The following FHIT variants were observed in gnomAD, a reference collection of about 807,000 sequenced individuals.
FHIT encodes bis(5'-adenosyl)-triphosphatase.
A neutral mutation model predicts 17.9 loss-of-function variants in FHIT; 19 were observed. The observed-to-expected ratio is 1.06, with a 90% CI of 0.74 to 1.56. The LOEUF is 1.56. Ranked by LOEUF, FHIT falls within the 40% of genes most tolerant of loss-of-function variation. FHIT has a pLI of 0.00. For synonymous variants in FHIT, 81 were observed against 69.7 expected (o/e 1.16, Z -0.81); for missense variants, 248 against 189.2 (o/e 1.31, Z -1.82).
Position 60,555,031 on chromosome 3 carries a change from A to G in FHIT, c.-17-18052T>C, listed in dbSNP as rs563084241. 1.8e-3 allele frequency among the ~76,000 whole-genome samples: 269 copies of G among 152,340 alleles called. 1 individual carries two copies. Among genetic ancestry groups the G allele is most frequent in the African/African-American group, 6.2e-3 (257 of 41,582 alleles). ...CACAAGATAACTACATGACTGATAC[A>G]TTTTTTACGTAACAGTGTACTACAG... is the stretch of plus-strand genomic sequence containing the variant. On this transcript the variant is annotated intron_variant, in intron 4 of 9. Coordinates refer to ENST00000492590, the MANE Select transcript of FHIT (RefSeq NM_002012.4).
At chr3:61,208,505 G>T (rs1388546263) in intron 1 of FHIT, among the ~76,000 whole-genome samples, 2 of 152,032 alleles carry the variant, frequency 1.3e-5, no homozygotes, top group African/African-American at 2.4e-5. Flanking sequence ...CTCCTGTATT[G>T]GGTGCATATA....
chr3:61,247,867 A>G (rs1356647386), intron 1 of FHIT, among the ~76,000 whole-genome samples: 1 of 152,190 alleles, frequency 6.6e-6, no homozygotes, highest in Non-Finnish European at 1.5e-5. Flanking sequence ...CTTCATCATC[A>G]CTGTGAGGTA....
intron 4 of FHIT, among the ~76,000 whole-genome samples, chr3:60,663,138 C>A: frequency 4.5e-5 from 1 of 22,072 alleles, no homozygotes; most frequent in Non-Finnish European, 1.1e-4. Context: ...CTATATAGCC[C>A]TAATATTGGG....
intron 4 of FHIT, among the ~76,000 whole-genome samples, chr3:60,762,452 T>C (rs782472337): frequency 1.3e-5 from 2 of 152,154 alleles, no homozygotes; most frequent in Admixed American, 1.3e-4. Flanking sequence ...AGTAGTCAGT[T>C]TGTAGCCTAT....
intron 7 of FHIT, among the ~76,000 whole-genome samples, chr3:59,949,137 A>G (rs1281004386): frequency 6.6e-6 from 1 of 152,222 alleles, no homozygotes; most frequent in African/African-American, 2.4e-5. Flanking sequence ...GAGAACACAC[A>G]TATACCAGAG....
chr3:60,349,928 T>C (rs1215136284), intron 5 of FHIT, among the ~76,000 whole-genome samples: 1 of 152,192 alleles, frequency 6.6e-6, no homozygotes, highest in Non-Finnish European at 1.5e-5. Flanking sequence ...CTCAAGCAGT[T>C]AGAATTTCCT....
chr3:60,862,211 T>C (rs534648586), intron 3 of FHIT, among the ~76,000 whole-genome samples: 1 of 152,280 alleles, frequency 6.6e-6, no homozygotes, highest in Admixed American at 6.5e-5. Flanking sequence ...CAGTGTCTTG[T>C]TCTATTGCCC....
At position 60,141,837 on chromosome 3, in the gene FHIT, C is replaced by T. The variant is rs376259615; in HGVS notation, c.104-127685G>A. On this transcript the variant is annotated intron_variant, in intron 5 of 9. Transcript: ENST00000492590. The stretch of plus-strand genomic sequence containing the variant: ...TTCATCATAAATACAAGGACAGTTG[C>T]GCTAAACATATCTGTACTGGTAACA... 8.5e-5 allele frequency among the ~76,000 whole-genome samples: 13 copies of T among 152,238 alleles called. 1 individual carries two copies. The highest frequency in any genetic ancestry group is 1.9e-4 in the African/African-American group (8 of 41,566).
chr3:60,024,072 C>T (rs1700650851), intron 5 of FHIT, among the ~76,000 whole-genome samples: 1 of 151,956 alleles, frequency 6.6e-6, no homozygotes, highest in African/African-American at 2.4e-5. Context: ...ACAAACTGGT[C>T]TTTCCTTCAC....
chr3:59,773,683 G>A (rs2106844178), intron 8 of FHIT, among the ~76,000 whole-genome samples: 1 of 152,166 alleles, frequency 6.6e-6, no homozygotes, highest in East Asian at 1.9e-4. Context: ...TTCCCAGGGA[G>A]GCAGGCTTCA....
intron 1 of FHIT, among the ~76,000 whole-genome samples, chr3:61,248,208 G>T (rs1035660777): frequency 6.6e-5 from 10 of 152,112 alleles, no homozygotes; most frequent in Admixed American, 5.2e-4. Context: ...TGGGAACAGG[G>T]TGCTTATGAA....
chr3:60,073,501 C>T (rs879899363), intron 5 of FHIT, among the ~76,000 whole-genome samples: 8 of 152,072 alleles, frequency 5.3e-5, no homozygotes, highest in East Asian at 1.9e-4. Context: ...GTTCGTCTCA[C>T]GTTTGCTCTC....
intron 3 of FHIT, among the ~76,000 whole-genome samples, chr3:60,953,657 A>C (rs1199579295): frequency 6.6e-6 from 1 of 152,108 alleles, no homozygotes; most frequent in Non-Finnish European, 1.5e-5. Context: ...CATCTCATAC[A>C]ACATCCCAAC....
chr3:60,322,163 G>A (rs1221907981), intron 5 of FHIT, among the ~76,000 whole-genome samples: 1 of 152,092 alleles, frequency 6.6e-6, no homozygotes, highest in Non-Finnish European at 1.5e-5. Context: ...TGCTTTTCTG[G>A]GCAATTATGA....
intron 8 of FHIT, among the ~76,000 whole-genome samples, chr3:59,821,839 G>A (rs1338382193): frequency 6.6e-6 from 1 of 151,936 alleles, no homozygotes; most frequent in African/African-American, 2.4e-5. Flanking sequence ...GGGAACAAGT[G>A]GTATTCGGTT....
rs561399779 is a variant in FHIT, at chr3:60,514,633, C to A, written c.103+22227G>T. Among the ~76,000 whole-genome samples the A allele has an allele frequency of 2.4e-4, 36 of 152,194 alleles. 1 individual carries two copies. In the South Asian group the frequency reaches 5.0e-3, roughly 21 times the overall value. ...AAACCCACACATGCTGCACATGTAT[C>A]CCAGAACTTAAAGTTTTAAAAGATA... On this transcript the variant is annotated intron_variant, in intron 5 of 9. Transcript: ENST00000492590.
At chr3:60,668,845 G>A (rs1000723242) in intron 4 of FHIT, among the ~76,000 whole-genome samples, 17 of 152,026 alleles carry the variant, frequency 1.1e-4, no homozygotes, top group African/African-American at 3.9e-4. Flanking sequence ...GCTTACAGGC[G>A]TGAGCAAACC....
At chr3:60,950,174 T>C (rs1334125317) in intron 3 of FHIT, among the ~76,000 whole-genome samples, 3 of 152,216 alleles carry the variant, frequency 2.0e-5, no homozygotes, top group African/African-American at 7.2e-5. Context: ...TATGAAATTG[T>C]CTAATGACAC....
At chr3:60,143,757 C>T (rs911282369) in intron 5 of FHIT, among the ~76,000 whole-genome samples, 5 of 152,052 alleles carry the variant, frequency 3.3e-5, no homozygotes, top group Non-Finnish European at 5.9e-5. Context: ...ACTTATTAAC[C>T]TTGTTACTGT....
Sources: gnomAD v4.1 joint callset for allele counts (sites outside exome capture counted in the v4.1 genomes callset) on GRCh38, gnomAD v4.1.1 for gene constraint, MANE v1.5 for transcripts, NCBI Gene and HGNC (gene_info 2026-07-23, HGNC 2026-07-21) for gene names.